GULP1: variants seen among roughly 807,000 people sequenced by gnomAD.
The protein encoded by GULP1 is PTB domain-containing engulfment adapter protein 1.
In GULP1, 19 loss-of-function variants were observed where a neutral mutation model predicts 40.9. The observed-to-expected ratio is 0.46, with a 90% confidence interval of 0.32 to 0.68. The LOEUF (loss-of-function observed/expected upper bound fraction) is 0.68. Among genes scored for constraint, GULP1 ranks in the 30% least tolerant of loss-of-function variants. The pLI is 0.03. For missense variants in GULP1, 312 were observed against 362.2 expected (o/e 0.86, Z 1.12); for synonymous variants, 119 against 117.6 (o/e 1.01, Z -0.08).
chr2:188,510,760 G>T (rs906699190), intron 4 of GULP1, among the ~76,000 whole-genome samples: 7 of 151,216 alleles, frequency 4.6e-5, no homozygotes, highest in Admixed American at 1.3e-4. Flanking sequence ...TTAAATTACA[G>T]TGGGAGTTCA....
intron 2 of GULP1, among the ~76,000 whole-genome samples, chr2:188,462,245 C>G (rs886242021): frequency 2.0e-5 from 3 of 151,914 alleles, no homozygotes; most frequent in Non-Finnish European, 4.4e-5. Context: ...TCCAAATTTT[C>G]TCTTATTGAT....
At chr2:188,374,558 A>G (rs1276400351) in intron 1 of GULP1, among the ~76,000 whole-genome samples, 1 of 152,186 alleles carries the variant, frequency 6.6e-6, no homozygotes, top group Non-Finnish European at 1.5e-5. Context: ...TCAGTCCTCC[A>G]GTTCGTTAAT....
intron 1 of GULP1, among the ~76,000 whole-genome samples, chr2:188,310,043 A>G (rs1038281119): frequency 1.3e-5 from 2 of 152,182 alleles, no homozygotes; most frequent in African/African-American, 2.4e-5. Flanking sequence ...TTCAGTTACA[A>G]TGAGGCAATT....
chr2:188,364,177 G>T (rs2046441949), intron 1 of GULP1, among the ~76,000 whole-genome samples: 3 of 152,072 alleles, frequency 2.0e-5, no homozygotes, highest in Admixed American at 2.0e-4. Flanking sequence ...TCAAGCAATA[G>T]GCAATCCTTT....
chr2:188,361,771 C>T (rs1337549095), intron 1 of GULP1, among the ~76,000 whole-genome samples: 1 of 152,002 alleles, frequency 6.6e-6, no homozygotes. Flanking sequence ...CTTACCATGC[C>T]TATGATGTAT....
chr2:188,322,657 G>C (rs892195193), intron 1 of GULP1, among the ~76,000 whole-genome samples: 1 of 152,078 alleles, frequency 6.6e-6, no homozygotes, highest in Non-Finnish European at 1.5e-5. Flanking sequence ...TTTTGGAAAT[G>C]TATATTGACT....
At chr2:188,582,447 T>C (rs1469993450) in intron 9 of GULP1, 1 of 471,608 alleles carries the variant, frequency 2.1e-6, no homozygotes, top group African/African-American at 2.0e-5. Context: ...ATTTCTTCCA[T>C]CTCTGTCACT....
At chr2:188,535,487 G>A (rs993403905) in intron 6 of GULP1, among the ~76,000 whole-genome samples, 1 of 152,116 alleles carries the variant, frequency 6.6e-6, no homozygotes, top group African/African-American at 2.4e-5. Flanking sequence ...ATGGCCTCCA[G>A]CAGTATCCAT....
intron 2 of GULP1, among the ~76,000 whole-genome samples, chr2:188,413,374 G>T (rs867868155): frequency 1.3e-5 from 2 of 152,018 alleles, no homozygotes; most frequent in Non-Finnish European, 1.5e-5. Flanking sequence ...TTTAATGATC[G>T]CCATTCTAAC....
rs1171515224 is a variant in GULP1 at position 188,595,191 on chromosome 2, C to T, written c.*1180C>T. 7 of 151,716 alleles carry T rather than the reference C, an allele frequency of 4.6e-5. No individual in the cohort carries two copies. Among genetic ancestry groups the T allele is most frequent in the African/African-American group, 1.7e-4 (7 of 41,464 alleles). The allele number at this position is 151,716 out of a possible 1,614,324, so 9.4% of individuals were successfully genotyped here. A position where few individuals can be genotyped will look rare whatever the true frequency, so the allele number is the denominator to read the frequency against. On this transcript the variant is annotated 3_prime_UTR_variant, in exon 12 of 12. Coordinates refer to ENST00000409830, the MANE Select transcript of GULP1 (RefSeq NM_016315.4). ...AATATTTGTTTCCTATACCTTTACC[C>T]TTTACCTAACAGACTAATTTGTACT... is the stretch of plus-strand genomic sequence containing the variant.
chr2:188,521,875 G>A (rs1245679139), intron 4 of GULP1, among the ~76,000 whole-genome samples: 2 of 152,150 alleles, frequency 1.3e-5, no homozygotes, highest in Non-Finnish European at 2.9e-5. Flanking sequence ...AGGAGATCGA[G>A]ACCATCCTGG....
chr2:188,439,809 A>G (rs1185486388), intron 2 of GULP1, among the ~76,000 whole-genome samples: 1 of 152,120 alleles, frequency 6.6e-6, no homozygotes, highest in Non-Finnish European at 1.5e-5. Context: ...TCAAAATGGG[A>G]AGTAAAATAT....
chr2:188,449,536 CAG>C (rs2058668914), intron 2 of GULP1, among the ~76,000 whole-genome samples: 1 of 152,158 alleles, frequency 6.6e-6, no homozygotes. Flanking sequence ...CGGTTTATAA[CAG>C]TATCAGGATA....
At chr2:188,410,500 G>T (rs2053720133) in intron 2 of GULP1, among the ~76,000 whole-genome samples, 1 of 152,102 alleles carries the variant, frequency 6.6e-6, no homozygotes, top group Non-Finnish European at 1.5e-5. Context: ...CAATGGCAAA[G>T]AAACAAATAA....
chr2:188,471,948 A>T (rs2060624600), intron 2 of GULP1, among the ~76,000 whole-genome samples: 1 of 152,200 alleles, frequency 6.6e-6, no homozygotes, highest in Non-Finnish European at 1.5e-5. Context: ...ATTCTAGGAC[A>T]GGTCTCGTGT....
At chr2:188,588,239 TA>T (rs1702817417) in intron 11 of GULP1, 2 of 364,424 alleles carry the variant, frequency 5.5e-6, no homozygotes, top group Non-Finnish European at 1.0e-5. Flanking sequence ...TTCTGAAATC[TA>T]GAGTTAAACA....
At chr2:188,448,124 G>A (rs2058545823) in intron 2 of GULP1, among the ~76,000 whole-genome samples, 2 of 152,194 alleles carry the variant, frequency 1.3e-5, no homozygotes, top group African/African-American at 4.8e-5. Flanking sequence ...ATGTATGGAA[G>A]TTTGATCACT....
chr2:188,334,600 C>G (rs903137618), intron 1 of GULP1, among the ~76,000 whole-genome samples: 2 of 152,122 alleles, frequency 1.3e-5, no homozygotes, highest in African/African-American at 4.8e-5. Context: ...AGACTCATAC[C>G]TTATCAAATC....
chr2:188,383,273 A>G (rs1197324724), intron 1 of GULP1, among the ~76,000 whole-genome samples: 1 of 152,250 alleles, frequency 6.6e-6, no homozygotes, highest in Non-Finnish European at 1.5e-5. Flanking sequence ...TAGTTATAGC[A>G]TGATTATGAA....
Sources: gnomAD v4.1 joint callset for allele counts (sites outside exome capture counted in the v4.1 genomes callset) on GRCh38, gnomAD v4.1.1 for gene constraint, MANE v1.5 for transcripts, NCBI Gene and HGNC (gene_info 2026-07-23, HGNC 2026-07-21) for gene names.